RUNDC3B: variants seen among roughly 807,000 people sequenced by gnomAD.
RUNDC3B encodes RUN domain containing 3B.
RUNDC3B carries 33 observed loss-of-function variants against 58.4 expected under a neutral mutation model. The observed-to-expected ratio is 0.56, with a 90% CI of 0.43 to 0.75. The LOEUF is 0.75. RUNDC3B is among the 30% of genes least tolerant of loss of function. RUNDC3B has a pLI of 0.00. For synonymous variants in RUNDC3B, 193 were observed against 195.2 expected, an observed-to-expected ratio of 0.99 and a Z score of 0.10; for missense variants, 501 against 535.7, an observed-to-expected ratio of 0.94 and a Z score of 0.64.
chr7:87,730,579 T>G (rs555265033), intron 4 of RUNDC3B, among the ~76,000 whole-genome samples: 1 of 152,090 alleles, frequency 6.6e-6, no homozygotes, highest in East Asian at 1.9e-4. Flanking sequence ...ATGCTTCCTT[T>G]CACGAGGTTC....
intron 6 of RUNDC3B, among the ~76,000 whole-genome samples, chr7:87,762,502 G>T (rs951966486): frequency 6.6e-6 from 1 of 151,122 alleles, no homozygotes; most frequent in Non-Finnish European, 1.5e-5. Flanking sequence ...ATGGTATATT[G>T]GTGACATCAT....
intron 4 of RUNDC3B, among the ~76,000 whole-genome samples, chr7:87,718,656 G>T (rs13307992): frequency 6.6e-6 from 1 of 152,048 alleles, no homozygotes; most frequent in Non-Finnish European, 1.5e-5. Flanking sequence ...CAAAATGTAT[G>T]ATTTATTCCT....
chr7:87,709,180 G>C, intron 3 of RUNDC3B: 1 of 871,466 alleles, frequency 1.1e-6, no homozygotes, highest in South Asian at 5.2e-5. Flanking sequence ...AGTTTTGTAT[G>C]GATTGAAATT....
rs991431795 is a variant in RUNDC3B at position 87,832,151 on chromosome 7, T to C, written c.*2121T>C. 1.3e-5 allele frequency: 2 copies of C among 151,986 alleles called. No individual in the cohort carries two copies. The highest frequency in any genetic ancestry group is 3.8e-4 in the East Asian group (2 of 5,196). The allele number at this position is 151,986 out of a possible 1,614,324, so 9.4% of individuals were successfully genotyped here. A position where few individuals can be genotyped will look rare whatever the true frequency, so the allele number is the denominator to read the frequency against. On this transcript the variant is annotated 3_prime_UTR_variant, in exon 11 of 11. Transcript: ENST00000394654. Reference sequence around the variant, plus strand: ...TGAGGAAACCATGTATGTCTCAATCTTTAATTTTAGGTGGTAGTGTTTATT... The same window carrying C: ...TGAGGAAACCATGTATGTCTCAATCCTTAATTTTAGGTGGTAGTGTTTATT...
chr7:87,637,746 T>C (rs967241868), intron 1 of RUNDC3B, among the ~76,000 whole-genome samples: 18 of 152,124 alleles, frequency 1.2e-4, no homozygotes, highest in African/African-American at 3.9e-4. Context: ...ATTTGACCTT[T>C]TAAAATACTG....
At chr7:87,828,221 T>TTTTAA (rs1418274480) in intron 10 of RUNDC3B, among the ~76,000 whole-genome samples, 2 of 152,208 alleles carry the variant, frequency 1.3e-5, no homozygotes, top group Admixed American at 6.5e-5. Context: ...CTTTTTTAAA[T>TTTTAA]ATCAACTTTT....
At chr7:87,701,775 T>C (rs1829059311) in intron 3 of RUNDC3B, among the ~76,000 whole-genome samples, 3 of 152,252 alleles carry the variant, frequency 2.0e-5, no homozygotes, top group East Asian at 1.9e-4. Context: ...AAACAACACA[T>C]TGTTACAGAT....
At chr7:87,701,586 T>C (rs1829040164) in intron 3 of RUNDC3B, among the ~76,000 whole-genome samples, 1 of 152,204 alleles carries the variant, frequency 6.6e-6, no homozygotes, top group African/African-American at 2.4e-5. Flanking sequence ...GGTAGGTCAG[T>C]AGATTTAATG....
intron 7 of RUNDC3B, among the ~76,000 whole-genome samples, chr7:87,776,555 A>T (rs911974054): frequency 4.6e-5 from 7 of 152,104 alleles, no homozygotes; most frequent in African/African-American, 1.7e-4. Context: ...TTACCTTTGA[A>T]GAGGAGCAAT....
chr7:87,727,638 C>A (rs1831317699), intron 4 of RUNDC3B, among the ~76,000 whole-genome samples: 1 of 152,038 alleles, frequency 6.6e-6, no homozygotes, highest in African/African-American at 2.4e-5. Flanking sequence ...GAAAAAAAAT[C>A]TGCAATACTA....
chr7:87,822,393 T>C (rs1173912453), intron 10 of RUNDC3B, among the ~76,000 whole-genome samples: 1 of 152,130 alleles, frequency 6.6e-6, no homozygotes, highest in African/African-American at 2.4e-5. Context: ...AAACAACAGG[T>C]GCTGGAGAGG....
intron 10 of RUNDC3B, among the ~76,000 whole-genome samples, chr7:87,823,273 C>G: frequency 6.6e-6 from 1 of 151,998 alleles, no homozygotes; most frequent in Non-Finnish European, 1.5e-5. Flanking sequence ...TGAACCCCAA[C>G]AGGTACTCTT....
chr7:87,675,411 A>G (rs1284101709), intron 2 of RUNDC3B, among the ~76,000 whole-genome samples: 3 of 152,208 alleles, frequency 2.0e-5, no homozygotes, highest in African/African-American at 4.8e-5. Context: ...CCTGAGCAAA[A>G]GAAACAAAGC....
At chr7:87,743,608 T>A (rs1832475376) in intron 6 of RUNDC3B, among the ~76,000 whole-genome samples, 1 of 152,226 alleles carries the variant, frequency 6.6e-6, no homozygotes, top group South Asian at 2.1e-4. Context: ...CATTTGTATA[T>A]CTTCTTTTGA....
chr7:87,685,708 AG>A (rs1343456206), intron 2 of RUNDC3B, among the ~76,000 whole-genome samples: 1 of 152,150 alleles, frequency 6.6e-6, no homozygotes, highest in African/African-American at 2.4e-5. Context: ...ATCATGATGA[AG>A]GAGTTTCTTT....
chr7:87,694,295 A>G (rs1374663936), intron 2 of RUNDC3B, among the ~76,000 whole-genome samples: 1 of 152,084 alleles, frequency 6.6e-6, no homozygotes, highest in Non-Finnish European at 1.5e-5. Flanking sequence ...GGCACCATAA[A>G]CAATAACTGC....
chr7:87,742,835 CG>C (rs1235782588), intron 6 of RUNDC3B, among the ~76,000 whole-genome samples: 2 of 152,032 alleles, frequency 1.3e-5, no homozygotes, highest in Non-Finnish European at 2.9e-5. Context: ...GAACTAAGGC[CG>C]GGCACAGTGG....
chr7:87,645,345 A>T (rs900875854), intron 1 of RUNDC3B, among the ~76,000 whole-genome samples: 3 of 152,064 alleles, frequency 2.0e-5, no homozygotes, highest in Admixed American at 2.0e-4. Flanking sequence ...CAGCCTCCCA[A>T]AGTGCAGGTA....
intron 6 of RUNDC3B, among the ~76,000 whole-genome samples, chr7:87,753,266 C>T (rs1474086417): frequency 1.3e-5 from 2 of 151,502 alleles, no homozygotes; most frequent in South Asian, 2.1e-4. Flanking sequence ...TGTTCTTTTA[C>T]ATTTGCTGAG....
Sources: allele counts gnomAD v4.1 joint callset (sites outside exome capture counted in the v4.1 genomes callset), GRCh38; gene constraint gnomAD v4.1.1; transcripts MANE v1.5; gene names NCBI Gene and HGNC (gene_info 2026-07-23, HGNC 2026-07-21).